The following CSNK1G3 variants were observed in gnomAD, a reference collection of about 807,000 sequenced individuals.
CSNK1G3 encodes the protein casein kinase I isoform gamma-3.
In CSNK1G3, 23 loss-of-function variants were observed where a neutral mutation model predicts 64.3. That is an observed-to-expected ratio of 0.36 (90% CI 0.26 to 0.51). CSNK1G3 has a LOEUF of 0.51. Ranked by LOEUF, CSNK1G3 falls within the 20% of genes least tolerant of loss-of-function variation. The pLI, the probability that CSNK1G3 is intolerant of heterozygous loss-of-function variation, is 0.96. For synonymous variants in CSNK1G3, 158 were observed against 162.2 expected, an observed-to-expected ratio of 0.97 and a Z score of 0.20; for missense variants, 357 against 510.5, an observed-to-expected ratio of 0.70 and a Z score of 2.90.
intron 8 of CSNK1G3, among the ~76,000 whole-genome samples, chr5:123,589,396 T>C (rs1229411897): frequency 6.6e-6 from 1 of 152,116 alleles, no homozygotes; most frequent in Non-Finnish European, 1.5e-5. Context: ...TGTAGGCAGA[T>C]AGGGTAGTTG....
intron 9 of CSNK1G3, 86 bp downstream of exon 9, chr5:123,590,644 A>G: frequency 3.6e-6 from 3 of 838,390 alleles, no homozygotes; most frequent in South Asian, 2.5e-5. Flanking sequence ...AGAGTTGAGA[A>G]CAAATAGTTG....
intron 1 of CSNK1G3, among the ~76,000 whole-genome samples, chr5:123,513,370 C>G (rs1489918184): frequency 1.3e-5 from 2 of 151,924 alleles, no homozygotes; most frequent in Admixed American, 6.6e-5. Flanking sequence ...ATGGTCATTC[C>G]CCTTCTCCCA....
chr5:123,525,068 A>G (rs1778796202), intron 1 of CSNK1G3, among the ~76,000 whole-genome samples: 1 of 152,184 alleles, frequency 6.6e-6, no homozygotes, highest in Non-Finnish European at 1.5e-5. Context: ...AAAGCACTAT[A>G]ATTCTATTGT....
intron 6 of CSNK1G3, among the ~76,000 whole-genome samples, chr5:123,582,732 C>T (rs1790534867): frequency 6.6e-6 from 1 of 152,092 alleles, no homozygotes; most frequent in African/African-American, 2.4e-5. Context: ...AAAATGTGAA[C>T]AGGCTTTAAT....
intron 12 of CSNK1G3, among the ~76,000 whole-genome samples, chr5:123,609,400 T>C (rs1369028989): frequency 6.6e-6 from 1 of 152,128 alleles, no homozygotes; most frequent in Non-Finnish European, 1.5e-5. Context: ...CTATTTTGGG[T>C]TAGTATTCTC....
rs370387823 is a variant in CSNK1G3, at chr5:123,590,379, A to G, written c.845-34A>G. 32 of 1,164,604 alleles carry G rather than the reference A, an allele frequency of 2.7e-5. 1 individual carries two copies. The Admixed American group carries it at 7.3e-4, about 27-fold the overall frequency. 72.1% of individuals were successfully genotyped at this position (1,164,604 alleles called of 1,614,324 possible). Reference sequence around the variant, plus strand: ...TTATTACTGAGTATTAAAGAAAAGTATAGTCCAAATAATTTTTATATTATT... The same window carrying G: ...TTATTACTGAGTATTAAAGAAAAGTGTAGTCCAAATAATTTTTATATTATT... On this transcript the variant is annotated intron_variant, in intron 8 of 12. Transcript: ENST00000345990.
At chr5:123,556,587 ATTCTC>A (rs1457741267) in intron 3 of CSNK1G3, among the ~76,000 whole-genome samples, 17 of 151,734 alleles carry the variant, frequency 1.1e-4, no homozygotes, top group Admixed American at 1.0e-3. Context: ...TAGTTATTGT[ATTCTC>A]TTATTTTTCA....
At chr5:123,612,560 C>A (rs1346833450) in intron 12 of CSNK1G3, among the ~76,000 whole-genome samples, 1 of 151,786 alleles carries the variant, frequency 6.6e-6, no homozygotes, top group Non-Finnish European at 1.5e-5. Flanking sequence ...TCACTGCAAC[C>A]TCCGCCTCCT....
intron 1 of CSNK1G3, among the ~76,000 whole-genome samples, chr5:123,529,795 G>A (rs1397035807): frequency 6.6e-6 from 1 of 152,018 alleles, no homozygotes; most frequent in Non-Finnish European, 1.5e-5. Flanking sequence ...GGTGCTCTTT[G>A]CTTTTCTGGG....
At chr5:123,516,570 C>T (rs982305200) in intron 1 of CSNK1G3, among the ~76,000 whole-genome samples, 1 of 152,264 alleles carries the variant, frequency 6.6e-6, no homozygotes, top group African/African-American at 2.4e-5. Context: ...TCTCTCCTGC[C>T]ACTTCGTGCT....
At chr5:123,561,856 A>G (rs1443250021) in intron 4 of CSNK1G3, among the ~76,000 whole-genome samples, 3 of 152,058 alleles carry the variant, frequency 2.0e-5, no homozygotes, top group Non-Finnish European at 2.9e-5. Flanking sequence ...TCAAGCTGAA[A>G]TGTTAGCCTC....
chr5:123,588,281 T>G, intron 7 of CSNK1G3, 128 bp downstream of exon 7: 1 of 1,016,442 alleles, frequency 9.8e-7, no homozygotes. Flanking sequence ...CTCCCTGTGT[T>G]GCCCAGGCTG....
rs756905020 is a variant in CSNK1G3 at position 123,604,686 on chromosome 5, G to A, written c.1087-38G>A. 21 of 1,064,200 alleles carry A rather than the reference G, an allele frequency of 2.0e-5. 1 individual carries two copies. The South Asian group carries it at 2.9e-4, about 15-fold the overall frequency. The allele number at this position is 1,064,200 out of a possible 1,614,324, so 65.9% of individuals were successfully genotyped here. A position where few individuals can be genotyped will look rare whatever the true frequency, so the allele number is the denominator to read the frequency against. On this transcript the variant is annotated intron_variant, in intron 10 of 12. Transcript: ENST00000345990. ...TATGTATATTTATGAGCATGTGTGTGTACATATACATATATAAAAAATTTT... is the reference window on the plus strand; with the variant it reads ...TATGTATATTTATGAGCATGTGTGTATACATATACATATATAAAAAATTTT...
chr5:123,574,154 C>T (rs568348294), intron 5 of CSNK1G3, among the ~76,000 whole-genome samples: 1 of 152,002 alleles, frequency 6.6e-6, no homozygotes, highest in Non-Finnish European at 1.5e-5. Context: ...GGGCCAGAAA[C>T]ATGGATTCTT....
In CSNK1G3 at chr5:123,572,660, C is replaced by A. The variant is rs545682756; in HGVS notation, c.290-733C>A. ...TGGCAATAGAACTGTGTGGCCCTTA[C>A]TTCCTCAAGGATTCCTATCTGGCAT... On this transcript the variant is annotated intron_variant, in intron 4 of 12. Transcript: ENST00000345990. Among the ~76,000 whole-genome samples the A allele has an allele frequency of 5.2e-4, 79 of 152,322 alleles. No individual in the cohort carries two copies. The South Asian group carries it at 0.014, about 27-fold the overall frequency.
rs544703761 is a variant in CSNK1G3 at position 123,590,516 on chromosome 5, A to G, written c.948A>G (p.Gly316=). The G allele has an allele frequency of 2.3e-5, 36 of 1,537,456 alleles. No homozygotes were observed. The African/African-American group carries it at 3.8e-4, about 16-fold the overall frequency. ...TTACTGACTTGTTTGATCGAAAAGG[A>G]TATATGTTTGATTATGAATATGACT... The change falls in exon 9 of 13, where the codon GGA becomes GGG. Residue 316 remains glycine, a synonymous_variant. Coordinates refer to ENST00000345990, the Ensembl canonical transcript of CSNK1G3.
intron 4 of CSNK1G3, among the ~76,000 whole-genome samples, chr5:123,565,278 C>T (rs1245348090): frequency 6.6e-6 from 1 of 152,092 alleles, no homozygotes; most frequent in Non-Finnish European, 1.5e-5. Flanking sequence ...TATGTTATTA[C>T]AAAATAATTT....
At chr5:123,579,291 G>GTT (rs11299582) in intron 6 of CSNK1G3, among the ~76,000 whole-genome samples, 1 of 142,140 alleles carries the variant, frequency 7.0e-6, no homozygotes, top group Non-Finnish European at 1.5e-5. Flanking sequence ...TAAATTTGCT[G>GTT]TTTTTTTTTT....
At chr5:123,574,374 A>G (rs1319395693) in intron 5 of CSNK1G3, among the ~76,000 whole-genome samples, 1 of 152,188 alleles carries the variant, frequency 6.6e-6, no homozygotes, top group Non-Finnish European at 1.5e-5. Context: ...AATTTATCCT[A>G]TGGATGTTTT....
Sources: gnomAD v4.1 joint callset for allele counts (sites outside exome capture counted in the v4.1 genomes callset) on GRCh38, gnomAD v4.1.1 for gene constraint, MANE v1.5 for transcripts, NCBI Gene and HGNC (gene_info 2026-07-23, HGNC 2026-07-21) for gene names.